The following PRIM1 variants were observed in gnomAD, a reference collection of about 807,000 sequenced individuals.
The protein encoded by PRIM1 is DNA primase subunit 1, also known as DNA primase small subunit.
A neutral mutation model predicts 60.2 loss-of-function variants in PRIM1; 38 were observed. The observed-to-expected ratio is 0.63, with a 90% confidence interval of 0.49 to 0.83. The LOEUF is 0.83. Ranked by LOEUF, PRIM1 falls within the 40% of genes least tolerant of loss-of-function variation. PRIM1 has a pLI of 0.00. For missense variants in PRIM1, 388 were observed against 506.2 expected, an observed-to-expected ratio of 0.77 and a Z score of 2.24; for synonymous variants, 158 against 160.2, an observed-to-expected ratio of 0.99 and a Z score of 0.10.
intron 1 of PRIM1, 54 bp from the exon 2 acceptor site, chr12:56,751,249 G>A: frequency 3.1e-6 from 4 of 1,303,554 alleles, no homozygotes; most frequent in Non-Finnish European, 4.1e-6. Context: ...TTGGCTCAGG[G>A]CATTATAATT....
chr12:56,751,982 T>G (rs1158396823), intron 1 of PRIM1, among the ~76,000 whole-genome samples: 1 of 149,652 alleles, frequency 6.7e-6, no homozygotes, highest in Non-Finnish European at 1.5e-5. Context: ...TTTTTTTTTT[T>G]TTTTTTTTTT....
intron 7 of PRIM1, among the ~76,000 whole-genome samples, chr12:56,742,676 G>T (rs1159254008): frequency 6.6e-6 from 1 of 152,214 alleles, no homozygotes; most frequent in East Asian, 1.9e-4. Flanking sequence ...CAGAAAGAAT[G>T]CCAAAATAAC....
intron 10 of PRIM1, 56 bp downstream of exon 10, chr12:56,739,238 T>C: frequency 7.5e-7 from 1 of 1,328,034 alleles, no homozygotes. Flanking sequence ...ATTCAATTTA[T>C]TTAAAATTCA....
At chr12:56,742,773 A>C (rs1261673608) in intron 7 of PRIM1, among the ~76,000 whole-genome samples, 1 of 152,168 alleles carries the variant, frequency 6.6e-6, no homozygotes, top group Non-Finnish European at 1.5e-5. Context: ...TCTAGGACCA[A>C]CTTCCAAAAT....
intron 2 of PRIM1, 111 bp downstream of exon 2, chr12:56,750,927 C>T (rs1953948470): frequency 1.4e-6 from 1 of 704,662 alleles, no homozygotes; most frequent in Non-Finnish European, 2.0e-6. Flanking sequence ...TAAAAAGTGG[C>T]TTTTCATCTA....
At chr12:56,737,411 G>A (rs1953840821) in intron 11 of PRIM1, among the ~76,000 whole-genome samples, 1 of 149,872 alleles carries the variant, frequency 6.7e-6, no homozygotes, top group African/African-American at 2.5e-5. Context: ...GTGCAATGGC[G>A]TGATCTTGGC....
chr12:56,733,887 G>T (rs1309455834), intron 12 of PRIM1, among the ~76,000 whole-genome samples: 1 of 152,096 alleles, frequency 6.6e-6, no homozygotes, highest in Non-Finnish European at 1.5e-5. Context: ...CACCGTGCCT[G>T]GCCAAGTTAG....
intron 7 of PRIM1, 103 bp downstream of exon 7, chr12:56,742,884 A>G: frequency 1.2e-6 from 1 of 827,496 alleles, no homozygotes; most frequent in Admixed American, 4.0e-5. Flanking sequence ...AAAAAGATTA[A>G]ACTTATAAGT....
At chr12:56,732,121 A>G (rs1953789279) in intron 12 of PRIM1, among the ~76,000 whole-genome samples, 1 of 152,228 alleles carries the variant, frequency 6.6e-6, no homozygotes, top group Non-Finnish European at 1.5e-5. Flanking sequence ...TTTCTAGAGT[A>G]GCCTTCATCT....
At position 56,736,206 on chromosome 12, in the gene PRIM1, G is replaced by A. The variant is rs112963311; in HGVS notation, c.1145-1961C>T. 3.0e-3 allele frequency among the ~76,000 whole-genome samples: 414 copies of A among 138,622 alleles called. 2 individuals are homozygous for A. Among genetic ancestry groups the A allele is most frequent in the African/African-American group, 0.011 (403 of 37,048 alleles). 90.9% of individuals were successfully genotyped at this position (138,622 alleles called of 152,430 possible). On this transcript the variant is annotated intron_variant, in intron 11 of 12. Coordinates refer to ENST00000338193, the MANE Select transcript of PRIM1 (RefSeq NM_000946.3). ...CCAGCTACTCAGGAGGCTGAGGCAG[G>A]AGAATTGCTTGAACCCAGGAGGCGG...
intron 1 of PRIM1, 77 bp from the exon 2 acceptor site, chr12:56,751,272 A>C: frequency 8.7e-7 from 1 of 1,149,944 alleles, no homozygotes; most frequent in Non-Finnish European, 1.2e-6. Context: ...AGCCAATGAG[A>C]AGTTTTTTTT....
chr12:56,751,470 G>C (rs575985276), intron 1 of PRIM1: 124 of 197,588 alleles, frequency 6.3e-4, no homozygotes, highest in African/African-American at 2.8e-3. Context: ...ATTTTTTGTA[G>C]AAACGGGGTT....
At chr12:56,740,868 C>T (rs920364584) in intron 9 of PRIM1, among the ~76,000 whole-genome samples, 7 of 151,972 alleles carry the variant, frequency 4.6e-5, no homozygotes, top group Non-Finnish European at 4.4e-5. Flanking sequence ...GGCTGGAGTG[C>T]AGTGGCACCA....
intron 12 of PRIM1, among the ~76,000 whole-genome samples, chr12:56,733,246 C>T (rs1372987020): frequency 2.6e-5 from 4 of 151,072 alleles, no homozygotes; most frequent in African/African-American, 9.8e-5. Context: ...CAACCTCTGC[C>T]TCCTGGGTTC....
At chr12:56,748,599 C>A (rs1351779741) in intron 2 of PRIM1, among the ~76,000 whole-genome samples, 1 of 150,948 alleles carries the variant, frequency 6.6e-6, no homozygotes, top group African/African-American at 2.4e-5. Context: ...TGCACTCCAG[C>A]CTGGATGACA....
At chr12:56,742,918 T>G in intron 7 of PRIM1, 69 bp downstream of exon 7, 1 of 1,130,334 alleles carries the variant, frequency 8.8e-7, no homozygotes, top group Non-Finnish European at 1.2e-6. Flanking sequence ...CAAGCAGACA[T>G]GTCTAACATT....
Position 56,739,367 on chromosome 12 carries a change from TAA to T in PRIM1, c.983-6_983-5del, listed in dbSNP as rs1565905474. ...TCAATAGGCACAGATATGCGACCTG[TAA>T]GACACAAAAGTTATAAACTGATGAT... On this transcript the variant is annotated splice_region_variant and splice_polypyrimidine_tract_variant and intron_variant, in intron 9 of 12. Transcript: ENST00000338193. 1 of 1,547,706 alleles carries T rather than the reference TAA, an allele frequency of 6.5e-7. No homozygotes were observed. The highest frequency in any genetic ancestry group is 1.2e-5 in the South Asian group (1 of 83,022).
chr12:56,739,356 T>G lies in PRIM1; in HGVS notation c.990A>C (p.Ile330=), dbSNP rs1131514. 991,163 of 1,566,994 alleles carry G rather than the reference T, an allele frequency of 0.63. 317,498 individuals are homozygous for G. Among genetic ancestry groups the G allele is most frequent in the South Asian group, 0.74 (62,823 of 85,394 alleles). ...PFSVHPKTGR[I]SVPIDLQKVD... ...CTTTCTGCAAATCAATAGGCACAGA[T>G]ATGCGACCTGTAAGACACAAAAGTT... The change falls in exon 10 of 13, where the codon ATA becomes ATC. Residue 330 remains isoleucine, a synonymous_variant. Transcript: ENST00000338193.
intron 12 of PRIM1, among the ~76,000 whole-genome samples, chr12:56,733,428 G>A (rs537403880): frequency 1.3e-5 from 2 of 151,022 alleles, no homozygotes; most frequent in Admixed American, 6.6e-5. Context: ...CAAAGTGCTG[G>A]GATTACAGGT....
Sources: allele counts gnomAD v4.1 joint callset (sites outside exome capture counted in the v4.1 genomes callset), GRCh38; gene constraint gnomAD v4.1.1; transcripts MANE v1.5; gene names NCBI Gene and HGNC (gene_info 2026-07-23, HGNC 2026-07-21).